The following NUP37 variants were observed in gnomAD, a reference collection of about 807,000 sequenced individuals.
NUP37 encodes nucleoporin 37, also known as nucleoporin Nup37.
Under a neutral mutation model 45.4 loss-of-function variants are expected in NUP37, and 33 were observed. That is an observed-to-expected ratio of 0.73 (90% CI 0.55 to 0.97). NUP37 has a LOEUF of 0.97. Among genes scored for constraint, NUP37 ranks in the 50% least tolerant of loss-of-function variants. The probability of loss-of-function intolerance (pLI) is 0.00; values close to 1 mark genes in which losing one functional copy is unlikely to be tolerated. For missense variants in NUP37, 365 were observed against 389.7 expected, an observed-to-expected ratio of 0.94 and a Z score of 0.53; for synonymous variants, 127 against 130.7, an observed-to-expected ratio of 0.97 and a Z score of 0.19.
chr12:102,092,941 A>G (rs1879702526), intron 5 of NUP37, among the ~76,000 whole-genome samples: 1 of 152,118 alleles, frequency 6.6e-6, no homozygotes, highest in African/African-American at 2.4e-5. Context: ...TCTTTTTTTA[A>G]TACTTGAGAC....
At chr12:102,076,659 GA>G in intron 8 of NUP37, 137 bp downstream of exon 8, 2 of 635,570 alleles carry the variant, frequency 3.1e-6, no homozygotes, top group Non-Finnish European at 5.5e-6. Context: ...ACTTAGTCGG[GA>G]AAGTAAAATA....
rs535992787 is a variant in NUP37 at position 102,082,420 on chromosome 12, G to A, written c.540+3346C>T. The stretch of plus-strand genomic sequence containing the variant: ...TAGAGCACTGTAAATGACTGAAAAC[G>A]TATGGCAGAGCACTGAAAGCCATTA... On this transcript the variant is annotated intron_variant, in intron 6 of 9. Coordinates refer to ENST00000552283, the MANE Select transcript of NUP37 (RefSeq NM_024057.4). Among the ~76,000 whole-genome samples, 205 of 152,300 alleles carry A rather than the reference G, an allele frequency of 1.3e-3. 1 individual carries two copies. Among genetic ancestry groups the A allele is most frequent in the Admixed American group, 3.3e-3 (50 of 15,308 alleles).
At chr12:102,080,833 G>C (rs756505027) in intron 6 of NUP37, among the ~76,000 whole-genome samples, 2 of 152,286 alleles carry the variant, frequency 1.3e-5, no homozygotes, top group South Asian at 4.1e-4. Flanking sequence ...GTAAGAGATC[G>C]AGGAAAATTC....
At chr12:102,088,396 C>G (rs80024875) in intron 5 of NUP37, among the ~76,000 whole-genome samples, 1 of 151,946 alleles carries the variant, frequency 6.6e-6, no homozygotes, top group East Asian at 1.9e-4. Context: ...CTTAAATGTA[C>G]AATTCAAAGA....
intron 8 of NUP37, among the ~76,000 whole-genome samples, chr12:102,075,358 T>G (rs1341740687): frequency 6.6e-6 from 1 of 152,006 alleles, no homozygotes; most frequent in East Asian, 1.9e-4. Flanking sequence ...AATTTTTTGT[T>G]TTTTGTAGGA....
At chr12:102,079,691 G>A (rs1213282029) in intron 6 of NUP37, among the ~76,000 whole-genome samples, 2 of 152,000 alleles carry the variant, frequency 1.3e-5, no homozygotes, top group African/African-American at 2.4e-5. Context: ...TAGAACACTA[G>A]CCAGCACTAC....
intron 5 of NUP37, among the ~76,000 whole-genome samples, chr12:102,095,096 G>A (rs1461309100): frequency 6.6e-6 from 1 of 151,980 alleles, no homozygotes; most frequent in Non-Finnish European, 1.5e-5. Flanking sequence ...GATCTGACTT[G>A]TTCTTACAGA....
chr12:102,105,743 C>T (rs1880128104), intron 3 of NUP37, among the ~76,000 whole-genome samples: 1 of 151,508 alleles, frequency 6.6e-6, no homozygotes, highest in Non-Finnish European at 1.5e-5. Context: ...CACCTATAAT[C>T]CCAGCTACTC....
At chr12:102,095,202 A>AAATG (rs1879769184) in intron 5 of NUP37, among the ~76,000 whole-genome samples, 1 of 152,116 alleles carries the variant, frequency 6.6e-6, no homozygotes, top group Non-Finnish European at 1.5e-5. Context: ...TAATAAGCTT[A>AAATG]ACCCACTAAA....
At chr12:102,091,629 T>C (rs944972153) in intron 5 of NUP37, among the ~76,000 whole-genome samples, 6 of 152,022 alleles carry the variant, frequency 3.9e-5, no homozygotes, top group African/African-American at 9.7e-5. Context: ...GGAAAAGCTT[T>C]TATGGGAAAG....
In NUP37 at chr12:102,110,149, G is replaced by A. The variant is rs113787560; in HGVS notation, c.281+1959C>T. Among the ~76,000 whole-genome samples, 584 of 152,184 alleles carry A rather than the reference G, an allele frequency of 3.8e-3. 3 individuals carry two copies. The highest frequency in any genetic ancestry group is 0.013 in the African/African-American group (546 of 41,510). On this transcript the variant is annotated intron_variant, in intron 3 of 9. Coordinates refer to ENST00000552283, the MANE Select transcript of NUP37 (RefSeq NM_024057.4). ...GAAGAAACAAATATACCAAAAAAGC[G>A]TCAGCATTATCACTCATCATGGAAA...
chr12:102,092,474 T>A (rs1293120622), intron 5 of NUP37, among the ~76,000 whole-genome samples: 1 of 152,186 alleles, frequency 6.6e-6, no homozygotes, highest in Non-Finnish European at 1.5e-5. Flanking sequence ...GAAACATATT[T>A]TCCACTGAGC....
In NUP37 at chr12:102,076,779, A is replaced by G; in HGVS notation, c.773+18T>C. On this transcript the variant is annotated intron_variant, in intron 8 of 9. Coordinates refer to ENST00000552283, the MANE Select transcript of NUP37 (RefSeq NM_024057.4). ...GTCAAAAGATCAAATCACAGCTCCA[A>G]CAAAAACGGTACATTACCTGAATAA... 1 of 1,611,150 alleles carries G rather than the reference A, an allele frequency of 6.2e-7. No individual in the cohort carries two copies. The highest frequency in any genetic ancestry group is 8.5e-7 in the Non-Finnish European group (1 of 1,177,840).
Position 102,101,156 on chromosome 12 carries a change from G to A in NUP37, c.282-52C>T, listed in dbSNP as rs937389901. 10 of 965,228 alleles carry A rather than the reference G, an allele frequency of 1.0e-5. No individual in the cohort carries two copies. In the South Asian group the frequency reaches 1.2e-4, roughly 12 times the overall value. 59.8% of individuals were successfully genotyped at this position (965,228 alleles called of 1,614,324 possible). ...CAATTTTTAGCCTTTGTAAGTGAAA[G>A]GTCTCCCCCTCCCCCCCATCCTTCC... On this transcript the variant is annotated intron_variant, in intron 3 of 9. Transcript: ENST00000552283.
At chr12:102,110,958 C>T (rs1880297010) in intron 3 of NUP37, among the ~76,000 whole-genome samples, 1 of 152,206 alleles carries the variant, frequency 6.6e-6, no homozygotes, top group South Asian at 2.1e-4. Context: ...GTTAAACATA[C>T]ATCTACCCTG....
chr12:102,079,133 T>A (rs567823463), intron 6 of NUP37: 17 of 449,282 alleles, frequency 3.8e-5, no homozygotes, highest in Non-Finnish European at 5.8e-5. Flanking sequence ...TAGTGGTAGA[T>A]TGGCAAGAAT....
rs184161296 is a variant in NUP37, at chr12:102,099,094, T to C, written c.449+12A>G. 4 of 1,569,192 alleles carry C rather than the reference T, an allele frequency of 2.5e-6. No homozygotes were observed. The highest frequency in any genetic ancestry group is 1.7e-5 in the Admixed American group (1 of 59,640). Reference sequence around the variant, plus strand: ...GCAATTTAAAAATGTGGTTATAACATAAGCAACATACCTGCAGGTGTGATC... The same window carrying C: ...GCAATTTAAAAATGTGGTTATAACACAAGCAACATACCTGCAGGTGTGATC... On this transcript the variant is annotated intron_variant, in intron 5 of 9. Coordinates refer to ENST00000552283, the MANE Select transcript of NUP37 (RefSeq NM_024057.4).
At position 102,077,350 on chromosome 12, in the gene NUP37, A is replaced by G. The variant is rs749348908; in HGVS notation, c.694T>C (p.Trp232Arg). 6.2e-7 allele frequency: 1 copy of G among 1,614,008 alleles called. No individual in the cohort carries two copies. ...GACCGAGTAATATCCCAAATTAACC[A>G]ATCATTTCCTGCAACGGCTCCAACT... is the stretch of plus-strand genomic sequence containing the variant. ...FKVGAVAGND[W>R]LIWDITRSSY... is the part of the protein sequence containing the mutation. Residue 232 changes from tryptophan to arginine, a missense_variant, in exon 7 of 10, where the codon TGG becomes CGG. Physicochemically the swap from Trp to Arg is moderately radical, Grantham distance 101. Coordinates refer to ENST00000552283, the MANE Select transcript of NUP37 (RefSeq NM_024057.4).
Position 102,112,105 on chromosome 12 carries a change from T to C in NUP37, c.281+3A>G, listed in dbSNP as rs951059366. 3.7e-6 allele frequency: 6 copies of C among 1,613,392 alleles called. No individual in the cohort carries two copies. The highest frequency in any genetic ancestry group is 5.1e-6 in the Non-Finnish European group (6 of 1,179,482). ...GGAATGCATTTGGTACTGTTAAACT[T>C]ACTTGATTACTGGAGGCAATGAATC... is the stretch of plus-strand genomic sequence containing the variant. On this transcript the variant is annotated splice_donor_region_variant and intron_variant, in intron 3 of 9. Coordinates refer to ENST00000552283, the MANE Select transcript of NUP37 (RefSeq NM_024057.4).
Sources: allele counts gnomAD v4.1 joint callset (sites outside exome capture counted in the v4.1 genomes callset), GRCh38; gene constraint gnomAD v4.1.1; transcripts MANE v1.5; gene names NCBI Gene and HGNC (gene_info 2026-07-23, HGNC 2026-07-21).